Variants in VPS53 observed in about 807,000 individuals in gnomAD.
VPS53 encodes the protein vacuolar protein sorting-associated protein 53 homolog.
Under a neutral mutation model 107.0 loss-of-function variants are expected in VPS53, and 70 were observed. The ratio of observed to expected loss-of-function variants is 0.65; its 90% CI spans 0.54 to 0.80. The LOEUF (loss-of-function observed/expected upper bound fraction) is 0.80, where lower values mean the gene tolerates loss of function less well. Among genes scored for constraint, VPS53 ranks in the 30% least tolerant of loss-of-function variants. The pLI is 0.00. For synonymous variants in VPS53, 409 were observed against 393.3 expected (o/e 1.04, Z -0.47); for missense variants, 917 against 1,049.4 (o/e 0.87, Z 1.74).
At chr17:533,843 CTT>C (rs11286082) in intron 18 of VPS53, among the ~76,000 whole-genome samples, 58 of 147,300 alleles carry the variant, frequency 3.9e-4, no homozygotes, top group South Asian at 1.7e-3. Flanking sequence ...AAATCATAAA[CTT>C]TTTTTTTTTT....
intron 2 of VPS53, 143 bp downstream of exon 2, chr17:710,390 G>A (rs1973592948): frequency 1.6e-6 from 1 of 644,770 alleles, no homozygotes; most frequent in Admixed American, 2.7e-5. Flanking sequence ...CACTGCCCCA[G>A]CTGGTGATGA....
Position 519,801 on chromosome 17 carries a change from G to A in VPS53, c.2328+25C>T, listed in dbSNP as rs557772644. 2.0e-6 allele frequency: 3 copies of A among 1,494,004 alleles called. No individual in the cohort carries two copies. In the African/African-American group the frequency reaches 4.2e-5, roughly 21 times the overall value. 92.5% of individuals were successfully genotyped at this position (1,494,004 alleles called of 1,614,324 possible). A position where few individuals can be genotyped will look rare whatever the true frequency, so the allele number is the denominator to read the frequency against. The stretch of plus-strand genomic sequence containing the variant: ...CTGAGTGTGAGGGGGATGAGCAGGT[G>A]TGGACCAAATGTCCCGGCACAAACC... On this transcript the variant is annotated intron_variant, in intron 21 of 21. Transcript: ENST00000437048. The surrounding 1 kb of genome is among the most constrained non-coding windows in gnomAD (Gnocchi z 5.0).
intron 10 of VPS53, among the ~76,000 whole-genome samples, chr17:626,894 A>AGAG (rs1567687269): frequency 6.6e-6 from 1 of 152,218 alleles, no homozygotes; most frequent in East Asian, 1.9e-4. Flanking sequence ...AACGTGGGGT[A>AGAG]GAGGAATCAC....
At position 517,280 on chromosome 17, in the gene VPS53, T is replaced by A. The variant is rs555036658; in HGVS notation, c.*1848A>T. The A allele has an allele frequency of 1.3e-5, 5 of 394,654 alleles. No homozygotes were observed. The East Asian group carries it at 1.4e-4, about 11-fold the overall frequency. The allele number at this position is 394,654 out of a possible 1,614,324, so 24.4% of individuals were successfully genotyped here. ...TCCGCATTCTCAAATTTGAGACGCT[T>A]GATGCGTGAGAGTCAAACCAGCTAG... On this transcript the variant is annotated 3_prime_UTR_variant, in exon 22 of 22. Transcript: ENST00000437048.
intron 17 of VPS53, among the ~76,000 whole-genome samples, chr17:546,745 A>G (rs549984494): frequency 6.6e-6 from 1 of 152,290 alleles, no homozygotes; most frequent in South Asian, 2.1e-4. Flanking sequence ...TGGATTCCTT[A>G]CACTTTGCTG....
At chr17:694,139 G>A (rs1972866657) in intron 4 of VPS53, among the ~76,000 whole-genome samples, 1 of 152,198 alleles carries the variant, frequency 6.6e-6, no homozygotes, top group African/African-American at 2.4e-5. Flanking sequence ...ATGGGGCCAT[G>A]ACAGGAAAAG....
chr17:586,493 T>C, intron 12 of VPS53, 129 bp from the exon 13 acceptor site: 1 of 864,962 alleles, frequency 1.2e-6, no homozygotes, highest in Non-Finnish European at 1.8e-6. Context: ...TGTAACCCAA[T>C]ACGATGGTTT....
chr17:695,534 G>A (rs1293381034), intron 4 of VPS53, among the ~76,000 whole-genome samples: 2 of 152,054 alleles, frequency 1.3e-5, no homozygotes, highest in African/African-American at 4.8e-5. Flanking sequence ...AATTTTGAAT[G>A]CCAAGCAAAG....
At chr17:677,155 TCATAG>T (rs1225412433) in intron 4 of VPS53, among the ~76,000 whole-genome samples, 3 of 152,280 alleles carry the variant, frequency 2.0e-5, no homozygotes, top group African/African-American at 7.2e-5. Context: ...ATGCCAATAT[TCATAG>T]CATCACTGTT....
intron 11 of VPS53, among the ~76,000 whole-genome samples, chr17:610,127 TCACACACACACACACA>T (rs200106767): frequency 0.019 from 2,595 of 134,598 alleles, 53 homozygotes; most frequent in East Asian, 0.065. Context: ...TGAGACTCCG[TCACACACACACACACA>T]CACACACACA....
intron 2 of VPS53, among the ~76,000 whole-genome samples, chr17:703,231 G>A (rs980024615): frequency 1.1e-4 from 17 of 152,196 alleles, no homozygotes; most frequent in Non-Finnish European, 2.4e-4. Context: ...GATGGGAAAC[G>A]TGCTCTGCAG....
intron 4 of VPS53, among the ~76,000 whole-genome samples, chr17:665,613 G>C (rs940480832): frequency 6.6e-6 from 1 of 152,172 alleles, no homozygotes; most frequent in African/African-American, 2.4e-5. Context: ...AGTGCTAAGG[G>C]GGATTCTGCT....
At chr17:699,928 T>TG (rs2143935986) in intron 2 of VPS53, among the ~76,000 whole-genome samples, 1 of 152,296 alleles carries the variant, frequency 6.6e-6, no homozygotes, top group Non-Finnish European at 1.5e-5. Flanking sequence ...TGGTTATCTC[T>TG]GGGGGAAGGT....
At chr17:665,863 G>A (rs1971660341) in intron 4 of VPS53, among the ~76,000 whole-genome samples, 1 of 152,148 alleles carries the variant, frequency 6.6e-6, no homozygotes, top group Admixed American at 6.6e-5. Flanking sequence ...AATTAGATGG[G>A]CGTGGTGGCG....
At position 623,536 on chromosome 17, in the gene VPS53, G is replaced by C; in HGVS notation, c.1113C>G (p.Thr371=). ...AGCTCCCTAGGGAAGGTCTTACCAG[G>C]GTCCCATCGGTCAGGGTGCAGCCGG... ...RFSGCTLTDG[T]LKKLESPPPS... The change falls in exon 11 of 22, where the codon ACC becomes ACG. Residue 371 remains threonine, a synonymous_variant. Coordinates refer to ENST00000437048, the MANE Select transcript of VPS53 (RefSeq NM_001128159.3). 1 of 1,611,058 alleles carries C rather than the reference G, an allele frequency of 6.2e-7. No individual in the cohort carries two copies. Among genetic ancestry groups the C allele is most frequent in the Middle Eastern group, 1.7e-4 (1 of 6,038 alleles).
chr17:636,999 C>T lies in VPS53; in HGVS notation c.609-5371G>A, dbSNP rs1336151413. 1.7e-4 allele frequency among the ~76,000 whole-genome samples: 26 copies of T among 152,108 alleles called. 1 individual carries two copies. The South Asian group carries it at 1.9e-3, about 11-fold the overall frequency. Reference sequence around the variant, plus strand: ...ATAGTTTCAGAAGGAATGGTACCAGCTCCTCCTTGTACCTCTGGTAGAATT... The same window carrying T: ...ATAGTTTCAGAAGGAATGGTACCAGTTCCTCCTTGTACCTCTGGTAGAATT... On this transcript the variant is annotated intron_variant, in intron 7 of 21. Coordinates refer to ENST00000437048, the MANE Select transcript of VPS53 (RefSeq NM_001128159.3).
At chr17:647,063 C>T (rs1404630980) in intron 7 of VPS53, among the ~76,000 whole-genome samples, 1 of 152,224 alleles carries the variant, frequency 6.6e-6, no homozygotes, top group Admixed American at 6.5e-5. Context: ...AAACCTGACC[C>T]GATCTACCTA....
At chr17:639,815 AG>A in intron 7 of VPS53, among the ~76,000 whole-genome samples, 1 of 152,252 alleles carries the variant, frequency 6.6e-6, no homozygotes, top group South Asian at 2.1e-4. Context: ...CCCCTACTGG[AG>A]GGTGCCTCCC....
intron 19 of VPS53, among the ~76,000 whole-genome samples, chr17:528,692 A>G (rs1597248372): frequency 6.9e-6 from 1 of 144,860 alleles, no homozygotes; most frequent in Non-Finnish European, 1.5e-5. Context: ...TCTGCCTCCC[A>G]GGTTCAAGTG....
Sources: allele counts gnomAD v4.1 joint callset (sites outside exome capture counted in the v4.1 genomes callset), GRCh38; gene constraint gnomAD v4.1.1; non-coding constraint Gnocchi (gnomAD v3.1); transcripts MANE v1.5; gene names NCBI Gene and HGNC (gene_info 2026-07-23, HGNC 2026-07-21).